Variants in OLFM3 observed in about 807,000 individuals in gnomAD.
OLFM3 encodes the protein noelin-3.
A neutral mutation model predicts 48.6 loss-of-function variants in OLFM3; 20 were observed. The ratio of observed to expected loss-of-function variants is 0.41; its 90% CI spans 0.29 to 0.60. OLFM3 has a LOEUF of 0.60. OLFM3 is among the 20% of genes least tolerant of loss of function. The pLI is 0.28. For missense variants in OLFM3, 437 were observed against 544.3 expected, an observed-to-expected ratio of 0.80 and a Z score of 1.96; for synonymous variants, 222 against 198.1, an observed-to-expected ratio of 1.12 and a Z score of -1.01.
At chr1:101,909,512 C>A (rs1393400384) in intron 1 of OLFM3, among the ~76,000 whole-genome samples, 1 of 152,160 alleles carries the variant, frequency 6.6e-6, no homozygotes, top group Non-Finnish European at 1.5e-5. Flanking sequence ...ATTTTAAAAA[C>A]CGTCTATGAA....
Position 101,910,666 on chromosome 1 carries a change from T to C in OLFM3, c.70-73641A>G, listed in dbSNP as rs539547277. Among the ~76,000 whole-genome samples, 27 of 152,332 alleles carry C rather than the reference T, an allele frequency of 1.8e-4. No individual in the cohort carries two copies. The South Asian group carries it at 4.3e-3, about 25-fold the overall frequency. On this transcript the variant is annotated intron_variant, in intron 1 of 5. Coordinates refer to ENST00000370103, the MANE Select transcript of OLFM3 (RefSeq NM_058170.4). ...CCAGTTGATATTTTGCATGTCTTTTTATGTTTTTCCTTGGCAGTACTTGCT... is the reference window on the plus strand; with the variant it reads ...CCAGTTGATATTTTGCATGTCTTTTCATGTTTTTCCTTGGCAGTACTTGCT...
At chr1:101,831,203 C>T (rs1021665345) in intron 2 of OLFM3, among the ~76,000 whole-genome samples, 3 of 152,158 alleles carry the variant, frequency 2.0e-5, no homozygotes, top group Non-Finnish European at 4.4e-5. Flanking sequence ...ATTCTGACTT[C>T]TTAAATATTT....
At chr1:101,931,226 A>G (rs191016888) in intron 1 of OLFM3, among the ~76,000 whole-genome samples, 46 of 152,304 alleles carry the variant, frequency 3.0e-4, no homozygotes, top group Non-Finnish European at 2.9e-4. Context: ...TCAAGGCACT[A>G]TTCTTTTGTA....
intron 1 of OLFM3, among the ~76,000 whole-genome samples, chr1:101,894,841 T>A (rs1429922589): frequency 1.3e-5 from 2 of 152,150 alleles, no homozygotes; most frequent in African/African-American, 2.4e-5. Flanking sequence ...AAAGGACAGG[T>A]TCCTTCTTTA....
intron 1 of OLFM3, among the ~76,000 whole-genome samples, chr1:101,898,280 G>A (rs181245255): frequency 2.6e-5 from 4 of 152,122 alleles, no homozygotes; most frequent in African/African-American, 9.7e-5. Context: ...CCTTTTGACT[G>A]ATCAGGAAAC....
intron 2 of OLFM3, among the ~76,000 whole-genome samples, chr1:101,831,076 T>G (rs900299877): frequency 2.0e-5 from 3 of 152,228 alleles, no homozygotes; most frequent in Admixed American, 6.5e-5. Flanking sequence ...TGAATATAAA[T>G]GGGCTTAATA....
chr1:101,961,614 T>A (rs1230829267), intron 1 of OLFM3, among the ~76,000 whole-genome samples: 1 of 152,194 alleles, frequency 6.6e-6, no homozygotes, highest in African/African-American at 2.4e-5. Context: ...AATATTGTTC[T>A]GATTTCTAAT....
chr1:101,835,523 A>G (rs1300718286), intron 2 of OLFM3, among the ~76,000 whole-genome samples: 1 of 152,330 alleles, frequency 6.6e-6, no homozygotes, highest in East Asian at 1.9e-4. Flanking sequence ...CATGTTGGCC[A>G]GGCTGTGTTG....
At chr1:101,875,378 G>T (rs1405515081) in intron 1 of OLFM3, among the ~76,000 whole-genome samples, 1 of 151,872 alleles carries the variant, frequency 6.6e-6, no homozygotes, top group Non-Finnish European at 1.5e-5. Context: ...GTGTTAATGG[G>T]TTAGTATAAT....
intron 4 of OLFM3, among the ~76,000 whole-genome samples, chr1:101,811,055 T>G (rs1654023603): frequency 6.6e-6 from 1 of 151,898 alleles, no homozygotes; most frequent in Admixed American, 6.6e-5. Flanking sequence ...AAAATGTGAA[T>G]GATTTTTATT....
rs535356284 is a variant in OLFM3, at chr1:101,942,434, G to C, written c.69+54314C>G. On this transcript the variant is annotated intron_variant, in intron 1 of 5. Transcript: ENST00000370103. Reference sequence around the variant, plus strand: ...TTGGGTCCCATGGTGATATTACTAAGGGTTTTCTCCTAATATAATTCATAT... The same window carrying C: ...TTGGGTCCCATGGTGATATTACTAACGGTTTTCTCCTAATATAATTCATAT... Among the ~76,000 whole-genome samples the C allele has an allele frequency of 1.1e-4, 17 of 152,234 alleles. No homozygotes were observed. The South Asian group carries it at 2.9e-3, about 26-fold the overall frequency.
chr1:101,888,604 A>T (rs1343387223), intron 1 of OLFM3, among the ~76,000 whole-genome samples: 2 of 152,118 alleles, frequency 1.3e-5, no homozygotes, highest in African/African-American at 4.8e-5. Flanking sequence ...GGACTTCATG[A>T]CTAAAACACC....
chr1:101,873,562 TG>T (rs1368540194), intron 1 of OLFM3, among the ~76,000 whole-genome samples: 1 of 151,734 alleles, frequency 6.6e-6, no homozygotes, highest in East Asian at 1.9e-4. Flanking sequence ...GGGGCCCAGG[TG>T]GGGGGTGCAA....
chr1:101,865,461 T>G (rs1404981163), intron 1 of OLFM3, among the ~76,000 whole-genome samples: 1 of 152,186 alleles, frequency 6.6e-6, no homozygotes, highest in African/African-American at 2.4e-5. Flanking sequence ...GGCATTTACT[T>G]CTCCTTTTAT....
At chr1:101,893,149 AC>A in intron 1 of OLFM3, 1 of 250,304 alleles carries the variant, frequency 4.0e-6, no homozygotes, top group Non-Finnish European at 7.8e-6. Context: ...AGTGTTGTAC[AC>A]CAGCTCTCAG....
intron 1 of OLFM3, among the ~76,000 whole-genome samples, chr1:101,972,714 C>T (rs190666969): frequency 2.2e-3 from 332 of 152,280 alleles, no homozygotes; most frequent in African/African-American, 7.9e-3. Context: ...AGAAACAAGA[C>T]TTTATTTATT....
At chr1:101,861,204 G>A (rs1001890970) in intron 1 of OLFM3, among the ~76,000 whole-genome samples, 15 of 151,920 alleles carry the variant, frequency 9.9e-5, no homozygotes, top group Admixed American at 6.6e-5. Flanking sequence ...TGGGACTACA[G>A]GCACCCACCA....
At chr1:101,887,713 G>T (rs1366022489) in intron 1 of OLFM3, among the ~76,000 whole-genome samples, 1 of 151,758 alleles carries the variant, frequency 6.6e-6, no homozygotes, top group South Asian at 2.1e-4. Flanking sequence ...TTCCAAAATA[G>T]TTACAATGTA....
intron 1 of OLFM3, among the ~76,000 whole-genome samples, chr1:101,930,553 TGAA>T (rs1447681983): frequency 6.6e-6 from 1 of 152,204 alleles, no homozygotes; most frequent in East Asian, 1.9e-4. Context: ...TATTAATTCA[TGAA>T]GAAGTATGTA....
Sources: gnomAD v4.1 joint callset for allele counts (sites outside exome capture counted in the v4.1 genomes callset) on GRCh38, gnomAD v4.1.1 for gene constraint, MANE v1.5 for transcripts, NCBI Gene and HGNC (gene_info 2026-07-23, HGNC 2026-07-21) for gene names.